Variants in LYPD5 observed in about 807,000 individuals in gnomAD.
LYPD5 encodes the protein ly6/PLAUR domain-containing protein 5.
Under a neutral mutation model 19.1 loss-of-function variants are expected in LYPD5, and 21 were observed. The ratio of observed to expected loss-of-function variants is 1.10; its 90% CI spans 0.78 to 1.58. The LOEUF (loss-of-function observed/expected upper bound fraction) is 1.58. Among genes scored for constraint, LYPD5 ranks in the 40% most tolerant of loss-of-function variants. The pLI is 0.00. For synonymous variants in LYPD5, 128 were observed against 142.7 expected (o/e 0.90, Z 0.74); for missense variants, 287 against 329.8 (o/e 0.87, Z 1.00).
At chr19:43,815,560 G>A (rs1970364821) in intron 1 of LYPD5, among the ~76,000 whole-genome samples, 1 of 151,558 alleles carries the variant, frequency 6.6e-6, no homozygotes, top group Admixed American at 6.6e-5. Context: ...GGGCAATAGA[G>A]CAAGACTCTG....
At chr19:43,798,434 T>C in intron 4 of LYPD5, 21 bp downstream of exon 4, 1 of 1,603,240 alleles carries the variant, frequency 6.2e-7, no homozygotes. Context: ...CCCAGGCCCT[T>C]CCACCCTTCC....
At chr19:43,806,591 G>A (rs1034030421), upstream of LYPD5, among the ~76,000 whole-genome samples, 6 of 152,058 alleles carry the variant, frequency 3.9e-5, no homozygotes, top group African/African-American at 1.2e-4. Context: ...AACACGGAAG[G>A]CGGAGCTTGT....
At chr19:43,809,222 TAG>T (rs1301607534) in intron 1 of LYPD5, among the ~76,000 whole-genome samples, 3 of 151,490 alleles carry the variant, frequency 2.0e-5, no homozygotes. Flanking sequence ...GCATTTTTAG[TAG>T]AGACTTGGTT....
At chr19:43,803,354 G>A (rs1465450455), upstream of LYPD5, among the ~76,000 whole-genome samples, 3 of 152,268 alleles carry the variant, frequency 2.0e-5, no homozygotes, top group African/African-American at 7.2e-5. Context: ...AGGAGGTCCA[G>A]AGGAGGCCCC....
At chr19:43,800,560 A>G (rs1025283803) in intron 1 of LYPD5, among the ~76,000 whole-genome samples, 1 of 152,192 alleles carries the variant, frequency 6.6e-6, no homozygotes, top group African/African-American at 2.4e-5. Flanking sequence ...ACAGAAAATC[A>G]TACCCAGAGA....
At chr19:43,804,043 G>A (rs998306743), upstream of LYPD5, among the ~76,000 whole-genome samples, 2 of 152,096 alleles carry the variant, frequency 1.3e-5, no homozygotes, top group Non-Finnish European at 2.9e-5. Flanking sequence ...TCACCATGTT[G>A]GCCAGGCTGG....
intron 1 of LYPD5, among the ~76,000 whole-genome samples, chr19:43,810,145 C>A (rs1382430481): frequency 6.6e-6 from 1 of 152,100 alleles, no homozygotes; most frequent in Non-Finnish European, 1.5e-5. Flanking sequence ...TGTGCAGTGC[C>A]CAACATGAAC....
At chr19:43,816,236 T>C (rs1297963762) in intron 1 of LYPD5, among the ~76,000 whole-genome samples, 1 of 152,234 alleles carries the variant, frequency 6.6e-6, no homozygotes, top group African/African-American at 2.4e-5. Context: ...AAATCTTCAC[T>C]GATGTGGTAA....
intron 1 of LYPD5, among the ~76,000 whole-genome samples, chr19:43,814,717 G>A (rs2146507528): frequency 6.6e-6 from 1 of 152,312 alleles, no homozygotes; most frequent in South Asian, 2.1e-4. Context: ...TGTCATGAAT[G>A]TGAATTAAAG....
At chr19:43,807,849 C>T (rs1306242804) in intron 1 of LYPD5, among the ~76,000 whole-genome samples, 1 of 152,214 alleles carries the variant, frequency 6.6e-6, no homozygotes, top group East Asian at 1.9e-4. Flanking sequence ...GCCCAAGGGG[C>T]TGACATCAGA....
chr19:43,814,494 AAAACAAAC>A (rs144495679), intron 1 of LYPD5, among the ~76,000 whole-genome samples: 1 of 151,786 alleles, frequency 6.6e-6, no homozygotes, highest in African/African-American at 2.4e-5. Flanking sequence ...ACCTGTCTCT[AAAACAAAC>A]AAACAAACAA....
chr19:43,805,451 T>C (rs1030230906), upstream of LYPD5, among the ~76,000 whole-genome samples: 1 of 152,244 alleles, frequency 6.6e-6, no homozygotes, highest in African/African-American at 2.4e-5. Flanking sequence ...ACTCTAGTCA[T>C]GACCTTGTCA....
At chr19:43,798,707 AT>A in intron 3 of LYPD5, 104 bp downstream of exon 3, 1 of 1,560,598 alleles carries the variant, frequency 6.4e-7, no homozygotes, top group South Asian at 1.2e-5. Flanking sequence ...GGGGGTTGGG[AT>A]CCTAGCGCGC....
At position 43,798,988 on chromosome 19, in the gene LYPD5, C is replaced by T. The variant is rs557545191; in HGVS notation, c.194G>A (p.Gly65Glu). 4 of 1,565,312 alleles carry T rather than the reference C, an allele frequency of 2.6e-6. No homozygotes were observed. Among genetic ancestry groups the T allele is most frequent in the Non-Finnish European group, 3.5e-6 (4 of 1,155,106 alleles). The change falls in exon 3 of 5, where the codon GGG (glycine) becomes GAG (glutamate). Residue 65 changes from glycine to glutamate, a missense_variant and splice_region_variant. Physicochemically the swap from Gly to Glu is moderately conservative, Grantham distance 98 (BLOSUM62 -2). Coordinates refer to ENST00000377950, the MANE Select transcript of LYPD5 (RefSeq NM_001031749.3). Reference sequence around the variant, plus strand: ...CACCAGGGTCACCGGCGCGCGATACCCTGGGGGCGGGATCGGGGCTCGTGC... The same window carrying T: ...CACCAGGGTCACCGGCGCGCGATACTCTGGGGGCGGGATCGGGGCTCGTGC... ...CFEAILSLDT[G>E]YRAPVTLVRK... is the part of the protein sequence containing the mutation.
chr19:43,816,632 T>C lies in LYPD5; in HGVS notation c.-66+3908A>G, dbSNP rs553454698. On this transcript the variant is annotated intron_variant, in intron 1 of 4. Transcript: ENST00000414615. Reference sequence around the variant, plus strand: ...GTCACATCTGACATAGCAGCTGAAATTGGAGCTGCTATTTGTTTACATTTA... The same window carrying C: ...GTCACATCTGACATAGCAGCTGAAACTGGAGCTGCTATTTGTTTACATTTA... Among the ~76,000 whole-genome samples the C allele has an allele frequency of 2.6e-5, 4 of 152,364 alleles. No homozygotes were observed. In the East Asian group the frequency reaches 5.8e-4, roughly 22 times the overall value.
chr19:43,802,808 A>C (rs1419333290), upstream of LYPD5, among the ~76,000 whole-genome samples: 1 of 152,038 alleles, frequency 6.6e-6, no homozygotes, highest in African/African-American at 2.4e-5. Flanking sequence ...CCCATCATCT[A>C]AACCTTCTCT....
intron 1 of LYPD5, 100 bp from the exon 2 acceptor site, chr19:43,799,934 C>G: frequency 7.2e-7 from 1 of 1,391,544 alleles, no homozygotes; most frequent in South Asian, 1.5e-5. Context: ...GGCCTGGCCC[C>G]TCTGCTCCCA....
At chr19:43,819,457 ACCGGT>A (rs1412182107) in intron 1 of LYPD5, among the ~76,000 whole-genome samples, 1 of 151,748 alleles carries the variant, frequency 6.6e-6, no homozygotes, top group African/African-American at 2.4e-5. Context: ...GGTTACAGTG[ACCGGT>A]AGCACAGGAG....
chr19:43,813,170 C>A (rs1391105402), intron 1 of LYPD5, among the ~76,000 whole-genome samples: 2 of 152,194 alleles, frequency 1.3e-5, no homozygotes, highest in East Asian at 3.9e-4. Context: ...TGCTCAGGAT[C>A]AGCCTCTGCT....
Sources: gnomAD v4.1 joint callset for allele counts (sites outside exome capture counted in the v4.1 genomes callset) on GRCh38, gnomAD v4.1.1 for gene constraint, MANE v1.5 for transcripts, NCBI Gene and HGNC (gene_info 2026-07-23, HGNC 2026-07-21) for gene names.